Variants in TMEM63C observed in about 807,000 individuals in gnomAD.
TMEM63C encodes the protein osmosensitive cation channel TMEM63C.
In TMEM63C, 32 loss-of-function variants were observed where a neutral mutation model predicts 99.2. The ratio of observed to expected loss-of-function variants is 0.32; its 90% CI spans 0.24 to 0.43. The LOEUF (loss-of-function observed/expected upper bound fraction) is 0.43, where lower values mean the gene tolerates loss of function less well. TMEM63C is among the 20% of genes least tolerant of loss of function. The pLI is 1.00. For synonymous variants in TMEM63C, 376 were observed against 397.9 expected (o/e 0.94, Z 0.66); for missense variants, 826 against 1,053.0 (o/e 0.78, Z 2.98).
chr14:77,239,274 G>A, intron 10 of TMEM63C, 138 bp from the exon 11 acceptor site: 1 of 778,998 alleles, frequency 1.3e-6, no homozygotes, highest in Non-Finnish European at 2.1e-6. Context: ...AGCTTTAGGA[G>A]CAGAGATGGA....
At chr14:77,220,142 G>C (rs1594857792) in intron 5 of TMEM63C, 55 bp downstream of exon 5, 1 of 1,494,838 alleles carries the variant, frequency 6.7e-7, no homozygotes, top group East Asian at 2.5e-5. Context: ...GCAGGCAGGC[G>C]TGGTGTGCAC....
At chr14:77,232,730 T>C (rs988285201) in intron 7 of TMEM63C, among the ~76,000 whole-genome samples, 2 of 152,224 alleles carry the variant, frequency 1.3e-5, no homozygotes, top group African/African-American at 4.8e-5. Flanking sequence ...GAATAGCAGC[T>C]AGTATTTCAT....
chr14:77,198,537 G>C (rs1888246928), intron 1 of TMEM63C, among the ~76,000 whole-genome samples: 1 of 152,208 alleles, frequency 6.6e-6, no homozygotes, highest in Non-Finnish European at 1.5e-5. Context: ...CTGCACGCAT[G>C]GAGAGGGCAC....
intron 23 of TMEM63C, among the ~76,000 whole-genome samples, chr14:77,254,976 A>G (rs956532188): frequency 4.6e-5 from 7 of 152,174 alleles, no homozygotes; most frequent in African/African-American, 1.7e-4. Context: ...AGTACTGCAC[A>G]TACTGTTTTA....
intron 18 of TMEM63C, among the ~76,000 whole-genome samples, chr14:77,246,954 C>T (rs1158027664): frequency 1.3e-5 from 2 of 152,140 alleles, no homozygotes; most frequent in Non-Finnish European, 2.9e-5. Flanking sequence ...TCCATGAGCC[C>T]TTTATCCAGT....
intron 7 of TMEM63C, among the ~76,000 whole-genome samples, chr14:77,232,585 G>A (rs1888964361): frequency 6.6e-6 from 1 of 152,154 alleles, no homozygotes; most frequent in South Asian, 2.1e-4. Flanking sequence ...ACCGCACCTG[G>A]CCACTAACAT....
intron 4 of TMEM63C, 134 bp from the exon 5 acceptor site, chr14:77,219,872 C>T: frequency 1.3e-6 from 1 of 797,020 alleles, no homozygotes; most frequent in Non-Finnish European, 2.0e-6. Context: ...GTGTGCTCAG[C>T]AAAGGAGCTG....
intron 1 of TMEM63C, among the ~76,000 whole-genome samples, chr14:77,185,338 G>A (rs544568105): frequency 6.6e-6 from 1 of 152,202 alleles, no homozygotes; most frequent in African/African-American, 2.4e-5. Context: ...AGAAAGATCA[G>A]CTTCCAACAG....
rs780100397 is a variant in TMEM63C, at chr14:77,248,818, G to A, written c.1816G>A (p.Val606Met). 4 of 1,614,058 alleles carry A rather than the reference G, an allele frequency of 2.5e-6. No individual in the cohort carries two copies. Among genetic ancestry groups the A allele is most frequent in the Middle Eastern group, 1.6e-4 (1 of 6,062 alleles). ...GCGTGAGTATGCGTGGATGATGAAC[G>A]TGTTCAGCGTGGTGATGGCGTACAG... is the stretch of plus-strand genomic sequence containing the variant. ...FGREYAWMMN[V>M]FSVVMAYSIT... Residue 606 changes from valine (V) to methionine (M), a missense_variant, in exon 20 of 24, where the codon GTG becomes ATG. Physicochemically the swap from Val to Met is conservative, Grantham distance 21. Coordinates refer to ENST00000298351, the MANE Select transcript of TMEM63C (RefSeq NM_020431.4).
chr14:77,238,835 T>A, intron 10 of TMEM63C, 68 bp downstream of exon 10: 2 of 1,300,968 alleles, frequency 1.5e-6, no homozygotes, highest in Non-Finnish European at 2.2e-6. Context: ...GGTCCTCAAG[T>A]GGGTAGTGAG....
intron 1 of TMEM63C, among the ~76,000 whole-genome samples, chr14:77,207,651 G>T (rs140847380): frequency 7.2e-5 from 11 of 152,182 alleles, no homozygotes; most frequent in African/African-American, 2.7e-4. Flanking sequence ...GTTTCTGTAC[G>T]TGTAAGATGG....
chr14:77,243,143 G>A, intron 15 of TMEM63C, 87 bp downstream of exon 15: 1 of 1,486,634 alleles, frequency 6.7e-7, no homozygotes, highest in South Asian at 1.2e-5. Flanking sequence ...GAGCCCCCTG[G>A]GAGGGGGCTG....
intron 5 of TMEM63C, among the ~76,000 whole-genome samples, chr14:77,221,355 C>CCTCACCTCCCAATCAT: frequency 1.3e-5 from 1 of 77,648 alleles, no homozygotes; most frequent in East Asian, 5.1e-4. Flanking sequence ...CTCCCACTCA[C>CCTCACCTCCCAATCAT]GCCTCCCCTC....
intron 19 of TMEM63C, 28 bp from the exon 20 acceptor site, chr14:77,248,739 T>C (rs894551736): frequency 5.6e-6 from 9 of 1,606,522 alleles, no homozygotes; most frequent in Non-Finnish European, 7.7e-6. Context: ...CTGGGCCACC[T>C]CAGGGTGACA....
At chr14:77,234,278 C>G (rs1888997143) in intron 8 of TMEM63C, among the ~76,000 whole-genome samples, 1 of 151,900 alleles carries the variant, frequency 6.6e-6, no homozygotes, top group Admixed American at 6.6e-5. Context: ...TGCCCCTGCT[C>G]TCCTGCAATA....
chr14:77,248,243 C>T, intron 18 of TMEM63C, 104 bp from the exon 19 acceptor site: 2 of 1,005,302 alleles, frequency 2.0e-6, no homozygotes, highest in Non-Finnish European at 2.9e-6. Flanking sequence ...TATCTCCACT[C>T]CGATTCCCAT....
chr14:77,227,290 G>A (rs571858316), intron 6 of TMEM63C, among the ~76,000 whole-genome samples: 1 of 152,284 alleles, frequency 6.6e-6, no homozygotes, highest in Admixed American at 6.5e-5. Flanking sequence ...AACCGGGGCA[G>A]TGACTAGAGA....
At chr14:77,184,312 C>G (rs1887961392) in intron 1 of TMEM63C, among the ~76,000 whole-genome samples, 1 of 152,040 alleles carries the variant, frequency 6.6e-6, no homozygotes, top group African/African-American at 2.4e-5. Flanking sequence ...TTCATCCCCT[C>G]CATCCCCAGC....
intron 1 of TMEM63C, among the ~76,000 whole-genome samples, chr14:77,195,302 C>A (rs1026057453): frequency 2.0e-5 from 3 of 152,194 alleles, no homozygotes; most frequent in Non-Finnish European, 4.4e-5. Context: ...GAGGATTGAG[C>A]AAGCTGCCGG....
Sources: gnomAD v4.1 joint callset for allele counts (sites outside exome capture counted in the v4.1 genomes callset) on GRCh38, gnomAD v4.1.1 for gene constraint, MANE v1.5 for transcripts, NCBI Gene and HGNC (gene_info 2026-07-23, HGNC 2026-07-21) for gene names.